CNTNAP5: variants seen among roughly 807,000 people sequenced by gnomAD.
The protein encoded by CNTNAP5 is contactin-associated protein-like 5.
A neutral mutation model predicts 150.2 loss-of-function variants in CNTNAP5; 72 were observed. The ratio of observed to expected loss-of-function variants is 0.48; its 90% CI spans 0.40 to 0.58. CNTNAP5 has a LOEUF of 0.58. Ranked by LOEUF, CNTNAP5 falls within the 20% of genes least tolerant of loss-of-function variation. The pLI, the probability that CNTNAP5 is intolerant of heterozygous loss-of-function variation, is 0.00. For synonymous variants in CNTNAP5, 672 were observed against 619.8 expected, an observed-to-expected ratio of 1.08 and a Z score of -1.25; for missense variants, 1,636 against 1,626.2, an observed-to-expected ratio of 1.01 and a Z score of -0.10.
chr2:124,488,076 T>G (rs180892667), intron 7 of CNTNAP5, among the ~76,000 whole-genome samples: 2 of 152,322 alleles, frequency 1.3e-5, no homozygotes, highest in Non-Finnish European at 2.9e-5. Flanking sequence ...GCATTACCAT[T>G]ATTCATGAAA....
intron 3 of CNTNAP5, among the ~76,000 whole-genome samples, chr2:124,406,321 G>T (rs1360470378): frequency 6.6e-6 from 1 of 152,202 alleles, no homozygotes; most frequent in East Asian, 1.9e-4. Context: ...ATGTAAATTA[G>T]GTCAATTTTA....
chr2:124,772,202 A>T (rs569708993), intron 16 of CNTNAP5, among the ~76,000 whole-genome samples: 1 of 152,140 alleles, frequency 6.6e-6, no homozygotes, highest in Non-Finnish European at 1.5e-5. Flanking sequence ...CTTCCATTAT[A>T]CAAAGATTGT....
intron 13 of CNTNAP5, among the ~76,000 whole-genome samples, chr2:124,648,449 G>A (rs1381183418): frequency 1.3e-5 from 2 of 152,112 alleles, no homozygotes; most frequent in Admixed American, 1.3e-4. Flanking sequence ...GATAGGCAGG[G>A]CAAACCTGTG....
intron 6 of CNTNAP5, among the ~76,000 whole-genome samples, chr2:124,453,139 G>A (rs1693029320): frequency 6.6e-6 from 1 of 151,878 alleles, no homozygotes; most frequent in South Asian, 2.1e-4. Flanking sequence ...AATCATGCAA[G>A]AAGTGAAGGG....
intron 2 of CNTNAP5, among the ~76,000 whole-genome samples, chr2:124,236,992 A>G (rs1382331291): frequency 1.3e-5 from 2 of 152,006 alleles, no homozygotes; most frequent in Non-Finnish European, 2.9e-5. Context: ...AGCTGGGTGT[A>G]GTGGCGGGCA....
At chr2:124,341,899 A>C (rs1292551470) in intron 3 of CNTNAP5, among the ~76,000 whole-genome samples, 2 of 152,164 alleles carry the variant, frequency 1.3e-5, no homozygotes, top group Non-Finnish European at 2.9e-5. Context: ...GTAGGGCTTC[A>C]GAAAACTGAT....
intron 3 of CNTNAP5, among the ~76,000 whole-genome samples, chr2:124,416,118 G>A (rs569407596): frequency 6.6e-6 from 1 of 152,054 alleles, no homozygotes; most frequent in South Asian, 2.1e-4. Flanking sequence ...GAAGACAATT[G>A]TTTCTCTTTG....
At chr2:124,784,832 T>A (rs890466057) in intron 17 of CNTNAP5, among the ~76,000 whole-genome samples, 5 of 152,050 alleles carry the variant, frequency 3.3e-5, no homozygotes, top group Non-Finnish European at 7.4e-5. Flanking sequence ...CAAAGCAATC[T>A]CTGATGTTAA....
At chr2:124,335,533 C>A (rs141781597) in intron 3 of CNTNAP5, among the ~76,000 whole-genome samples, 18 of 150,364 alleles carry the variant, frequency 1.2e-4, no homozygotes, top group Middle Eastern at 3.4e-3. Flanking sequence ...AGGGACAGAG[C>A]AAAATGAAGA....
chr2:124,713,322 T>TCTTTCTTC (rs1679870734), intron 13 of CNTNAP5, among the ~76,000 whole-genome samples: 1 of 37,418 alleles, frequency 2.7e-5, no homozygotes, highest in Non-Finnish European at 5.4e-5. Flanking sequence ...TTCTTTCCTT[T>TCTTTCTTC]CTTTCTTTCT....
chr2:124,404,033 G>A (rs1266032326), intron 3 of CNTNAP5, among the ~76,000 whole-genome samples: 7 of 152,180 alleles, frequency 4.6e-5, no homozygotes, highest in East Asian at 1.9e-4. Flanking sequence ...GGTTATGGGA[G>A]CAACATTTCA....
chr2:124,043,366 A>C (rs1558735589), intron 1 of CNTNAP5, among the ~76,000 whole-genome samples: 3 of 152,194 alleles, frequency 2.0e-5, no homozygotes, highest in Admixed American at 1.3e-4. Flanking sequence ...ACTGTACATA[A>C]GTCTGCTTCA....
intron 1 of CNTNAP5, among the ~76,000 whole-genome samples, chr2:124,129,390 C>T (rs1213795779): frequency 6.6e-6 from 1 of 152,166 alleles, no homozygotes; most frequent in East Asian, 1.9e-4. Flanking sequence ...GCCCCACAGC[C>T]AGGCTGGGCT....
chr2:124,169,064 A>G (rs1684871506), intron 1 of CNTNAP5, among the ~76,000 whole-genome samples: 1 of 151,722 alleles, frequency 6.6e-6, no homozygotes, highest in African/African-American at 2.4e-5. Context: ...CACTGCCTCC[A>G]TGTTTTGTTT....
chr2:124,801,274 G>T lies in CNTNAP5; in HGVS notation c.3217+2954G>T, dbSNP rs1055576552. Among the ~76,000 whole-genome samples the T allele has an allele frequency of 4.6e-5, 7 of 152,130 alleles. No individual in the cohort carries two copies. In the South Asian group the frequency reaches 6.2e-4, roughly 14 times the overall value. On this transcript the variant is annotated intron_variant, in intron 19 of 23. Transcript: ENST00000682447. The stretch of plus-strand genomic sequence containing the variant: ...ATGCAGGACTAAGTGCTGTCTAAAG[G>T]AGATAAGGAATGAGAGACTAAAAAA...
chr2:124,748,986 G>T (rs1435603369), intron 14 of CNTNAP5, among the ~76,000 whole-genome samples: 1 of 152,166 alleles, frequency 6.6e-6, no homozygotes, highest in Non-Finnish European at 1.5e-5. Context: ...ATGATTTGTA[G>T]CCTGGGTGGA....
intron 19 of CNTNAP5, among the ~76,000 whole-genome samples, chr2:124,820,064 C>A: frequency 6.6e-6 from 1 of 152,166 alleles, no homozygotes; most frequent in Non-Finnish European, 1.5e-5. Flanking sequence ...TGGGCCAGAC[C>A]TGGACAAACA....
At chr2:124,368,484 A>G (rs1013330940) in intron 3 of CNTNAP5, among the ~76,000 whole-genome samples, 2 of 152,188 alleles carry the variant, frequency 1.3e-5, no homozygotes, top group Non-Finnish European at 2.9e-5. Context: ...ACAGAAATCT[A>G]TCTTAGAAAT....
At chr2:124,505,378 C>A (rs1056766153) in intron 8 of CNTNAP5, among the ~76,000 whole-genome samples, 2 of 152,086 alleles carry the variant, frequency 1.3e-5, no homozygotes, top group African/African-American at 4.8e-5. Context: ...TCCTCTTAAA[C>A]CACATTACCA....
Sources: allele counts gnomAD v4.1 joint callset (sites outside exome capture counted in the v4.1 genomes callset), GRCh38; gene constraint gnomAD v4.1.1; transcripts MANE v1.5; gene names NCBI Gene and HGNC (gene_info 2026-07-23, HGNC 2026-07-21).